TAF15: variants seen among roughly 807,000 people sequenced by gnomAD.
The protein encoded by TAF15 is TATA-binding protein-associated factor 2N.
In TAF15, 37 loss-of-function variants were observed where a neutral mutation model predicts 102.5. The ratio of observed to expected loss-of-function variants is 0.36; its 90% CI spans 0.28 to 0.47. The LOEUF (loss-of-function observed/expected upper bound fraction) is 0.47. Ranked by LOEUF, TAF15 falls within the 20% of genes least tolerant of loss-of-function variation. The pLI is 0.99. For synonymous variants in TAF15, 273 were observed against 259.2 expected (o/e 1.05, Z -0.51); for missense variants, 652 against 760.7 (o/e 0.86, Z 1.68).
Position 35,844,569 on chromosome 17 carries a change from G to T in TAF15, c.1270G>T (p.Gly424Trp). 3 of 1,599,858 alleles carry T rather than the reference G, an allele frequency of 1.9e-6. No individual in the cohort carries two copies. The highest frequency in any genetic ancestry group is 2.6e-6 in the Non-Finnish European group (3 of 1,172,134). ...AGGCGGCTATGGTGGAGACAGAAGT[G>T]GGGGTGGCTATGGTGGAGACAGAAG... ...DRGGYGGDRS[G>W]GGYGGDRSSG... Residue 424 changes from glycine (G) to tryptophan (W), a missense_variant, in exon 15 of 16, where the codon GGG becomes TGG. Physicochemically the swap from Gly to Trp is radical, Grantham distance 184. Transcript: ENST00000605844.
Position 35,838,492 on chromosome 17 carries a change from G to A in TAF15, c.852G>A (p.Gly284=), listed in dbSNP as rs765008525. The A allele has an allele frequency of 1.6e-5, 26 of 1,614,048 alleles. No homozygotes were observed. Among genetic ancestry groups the A allele is most frequent in the Non-Finnish European group, 2.2e-5 (26 of 1,180,040 alleles). The change falls in exon 11 of 16, where the codon GGG becomes GGA. Residue 284 remains glycine (G), a synonymous_variant. Transcript: ENST00000605844. ...YTDKDTGKPK[G]EATVSFDDPP... ...ACAAGGACACAGGAAAGCCAAAGGGGGAGGCAACAGTGTCATTTGATGACC... is the reference window on the plus strand; with the variant it reads ...ACAAGGACACAGGAAAGCCAAAGGGAGAGGCAACAGTGTCATTTGATGACC...
chr17:35,812,613 A>C (rs913593206), intron 1 of TAF15, among the ~76,000 whole-genome samples: 2 of 151,320 alleles, frequency 1.3e-5, no homozygotes, highest in African/African-American at 4.9e-5. Context: ...AAAACCTGAA[A>C]AACATTTTCT....
At chr17:35,816,364 G>C (rs948437015) in intron 1 of TAF15, among the ~76,000 whole-genome samples, 2 of 152,192 alleles carry the variant, frequency 1.3e-5, no homozygotes, top group Non-Finnish European at 1.5e-5. Context: ...GCTGGGCGTG[G>C]TGCTGCACAC....
chr17:35,814,270 A>G (rs556803384), intron 1 of TAF15, among the ~76,000 whole-genome samples: 7 of 151,454 alleles, frequency 4.6e-5, no homozygotes, highest in African/African-American at 7.3e-5. Context: ...GGTTCACGCC[A>G]TTCTCCTGCC....
At position 35,844,651 on chromosome 17, in the gene TAF15, G is replaced by T; in HGVS notation, c.1352G>T (p.Ser451Ile). Residue 451 changes from serine to isoleucine, a missense_variant, in exon 15 of 16, where the codon AGT becomes ATT. Physicochemically the swap from Ser to Ile is moderately radical, Grantham distance 142 (BLOSUM62 -2). Transcript: ENST00000605844. ...RSGGGYGGDRSGGGYGGDRGG... is the reference protein window; with the variant it reads ...RSGGGYGGDRIGGGYGGDRGG... ...GGGGGCGGCTATGGTGGAGACAGAA[G>T]TGGGGGTGGCTATGGTGGGGACAGA... 6.2e-7 allele frequency: 1 copy of T among 1,600,520 alleles called. No homozygotes were observed. Among genetic ancestry groups the T allele is most frequent in the Non-Finnish European group, 8.5e-7 (1 of 1,172,096 alleles).
intron 7 of TAF15, 151 bp from the exon 8 acceptor site, chr17:35,833,756 A>G: frequency 4.1e-6 from 3 of 728,270 alleles, no homozygotes; most frequent in Non-Finnish European, 7.1e-6. Context: ...AACAACATTT[A>G]GAACTCTGTG....
intron 10 of TAF15, among the ~76,000 whole-genome samples, chr17:35,837,222 G>A (rs1304636628): frequency 6.6e-6 from 1 of 152,056 alleles, no homozygotes; most frequent in East Asian, 1.9e-4. Context: ...CATAATCATG[G>A]GTCACTGCAG....
Position 35,844,854 on chromosome 17 carries a change from C to A in TAF15, c.1555C>A (p.Arg519=), listed in dbSNP as rs939246294. 3.1e-6 allele frequency: 5 copies of A among 1,597,328 alleles called. No homozygotes were observed. The highest frequency in any genetic ancestry group is 4.3e-6 in the Non-Finnish European group (5 of 1,171,896). The change falls in exon 15 of 16, where the codon CGA becomes AGA. Residue 519 remains arginine (R), a synonymous_variant. Transcript: ENST00000605844. ...GGDRGGYGGD[R]GGYGGDRSRG... ...AGATCGAGGAGGTTATGGAGGAGATCGAGGAGGCTATGGAGGAGACAGAAG... is the reference window on the plus strand; with the variant it reads ...AGATCGAGGAGGTTATGGAGGAGATAGAGGAGGCTATGGAGGAGACAGAAG...
chr17:35,813,528 C>T (rs1181363905), intron 1 of TAF15, among the ~76,000 whole-genome samples: 1 of 151,592 alleles, frequency 6.6e-6, no homozygotes, highest in Non-Finnish European at 1.5e-5. Flanking sequence ...CCCAGCTACT[C>T]GGGAGGTTGA....
chr17:35,824,249 T>G (rs1568256033), intron 7 of TAF15, 51 bp downstream of exon 7: 1 of 1,604,060 alleles, frequency 6.2e-7, no homozygotes, highest in African/African-American at 1.3e-5. Flanking sequence ...CTCTTTTTTT[T>G]TTTTTTAAGG....
chr17:35,815,056 T>C (rs1349528387), intron 1 of TAF15, among the ~76,000 whole-genome samples: 3 of 152,170 alleles, frequency 2.0e-5, no homozygotes, highest in African/African-American at 7.2e-5. Context: ...TGTTATAGAC[T>C]GATAGAATTC....
rs552511360 is a variant in TAF15, at chr17:35,812,426, A to G, written c.7+2850A>G. 2.6e-5 allele frequency among the ~76,000 whole-genome samples: 4 copies of G among 152,022 alleles called. No individual in the cohort carries two copies. In the East Asian group the frequency reaches 7.8e-4, roughly 29 times the overall value. ...AGCTTGACCAACCTGGAGAAACCCCATCTCTACTTAAAAAATTAAGGCATC... is the reference window on the plus strand; with the variant it reads ...AGCTTGACCAACCTGGAGAAACCCCGTCTCTACTTAAAAAATTAAGGCATC... On this transcript the variant is annotated intron_variant, in intron 1 of 15. Transcript: ENST00000605844.
At position 35,809,575 on chromosome 17, in the gene TAF15, G is replaced by C. The variant is rs1420100822; in HGVS notation, c.6G>C (p.Ser2=). The C allele has an allele frequency of 6.2e-7, 1 of 1,613,470 alleles. No homozygotes were observed. Among genetic ancestry groups the C allele is most frequent in the Non-Finnish European group, 8.5e-7 (1 of 1,179,848 alleles). M[S]DSGSYGQSGG... ...CCGCGCCGCGGCCGTTAGTCATGTC[G>C]GGTAGGTGACTTCTTCAGCGAGCAG... The change falls in exon 1 of 16, where the codon TCG becomes TCC. Residue 2 remains serine (S), a splice_region_variant and synonymous_variant. Coordinates refer to ENST00000605844, the MANE Select transcript of TAF15 (RefSeq NM_139215.3).
chr17:35,816,955 G>A (rs893773451), intron 1 of TAF15: 1 of 151,728 alleles, frequency 6.6e-6, no homozygotes, highest in Admixed American at 6.6e-5. Context: ...GAGTAGCTGG[G>A]ACTACAGGCA....
chr17:35,834,165 C>T (rs896633493), intron 8 of TAF15: 1 of 360,012 alleles, frequency 2.8e-6, no homozygotes. Context: ...GGGTTTTCTA[C>T]ACAGTGAATT....
At chr17:35,833,800 T>C in intron 7 of TAF15, 107 bp from the exon 8 acceptor site, 1 of 1,115,348 alleles carries the variant, frequency 9.0e-7, no homozygotes, top group Non-Finnish European at 1.4e-6. Context: ...GAGGTGCTAC[T>C]GTTTTCCTAA....
At chr17:35,843,907 T>C (rs4251778) in intron 12 of TAF15, among the ~76,000 whole-genome samples, 170 bp from the exon 13 acceptor site, 2 of 152,250 alleles carry the variant, frequency 1.3e-5, no homozygotes, top group East Asian at 1.9e-4. Flanking sequence ...GTCCTCTGTT[T>C]ACTAAGTACA....
Position 35,820,385 on chromosome 17 carries a change from C to G in TAF15, c.238C>G (p.Gln80Glu), listed in dbSNP as rs2087244880. ...YENQKQSSYS[Q>E]QPYNNQGQQQ... is the part of the protein sequence containing the mutation. The stretch of plus-strand genomic sequence containing the variant: ...GAATCAAAAGCAGAGCTCATATAGC[C>G]AGCAACCATATAATAACCAGGGACA... Residue 80 changes from glutamine (Q) to glutamate (E), a missense_variant, in exon 5 of 16, where the codon CAG becomes GAG. Around this residue, in one of 3 missense-constraint regions of TAF15, gnomAD observed 243 missense variants for 284.1 expected, o/e 0.86. Coordinates refer to ENST00000605844, the MANE Select transcript of TAF15 (RefSeq NM_139215.3). 1 of 1,613,910 alleles carries G rather than the reference C, an allele frequency of 6.2e-7. No individual in the cohort carries two copies.
At chr17:35,840,709 C>G (rs2087533242) in intron 11 of TAF15, among the ~76,000 whole-genome samples, 1 of 151,692 alleles carries the variant, frequency 6.6e-6, no homozygotes, top group Non-Finnish European at 1.5e-5. Flanking sequence ...ACTAAAAATA[C>G]AAAAATCAGC....
Sources: gnomAD v4.1 joint callset for allele counts (sites outside exome capture counted in the v4.1 genomes callset) on GRCh38, gnomAD v4.1.1 for gene constraint, gnomAD v4.1.1 regional missense constraint, MANE v1.5 for transcripts, NCBI Gene and HGNC (gene_info 2026-07-23, HGNC 2026-07-21) for gene names.